The following RCOR1 variants were observed in gnomAD, a reference collection of about 807,000 sequenced individuals.
RCOR1 encodes the protein REST corepressor 1.
In RCOR1, 12 loss-of-function variants were observed where a neutral mutation model predicts 64.0. The ratio of observed to expected loss-of-function variants is 0.19; its 90% CI spans 0.12 to 0.30. The LOEUF (loss-of-function observed/expected upper bound fraction) is 0.30. RCOR1 is among the 10% of genes least tolerant of loss of function. The pLI, the probability that RCOR1 is intolerant of heterozygous loss-of-function variation, is 1.00. For synonymous variants in RCOR1, 279 were observed against 227.2 expected (o/e 1.23, Z -2.05); for missense variants, 502 against 621.2 (o/e 0.81, Z 2.04).
At chr14:102,726,187 C>T (rs1032847460) in intron 11 of RCOR1, among the ~76,000 whole-genome samples, 1 of 151,878 alleles carries the variant, frequency 6.6e-6, no homozygotes, top group Admixed American at 6.6e-5. Context: ...ATTAGCTGGG[C>T]GTGGAGGCAG....
At chr14:102,705,460 T>C (rs1895832392) in intron 4 of RCOR1, among the ~76,000 whole-genome samples, 1 of 152,212 alleles carries the variant, frequency 6.6e-6, no homozygotes, top group Admixed American at 6.5e-5. Context: ...TTTGTTTTGT[T>C]TTGAGACAAG....
chr14:102,677,141 G>A (rs1284223730), intron 2 of RCOR1, among the ~76,000 whole-genome samples: 2 of 136,682 alleles, frequency 1.5e-5, no homozygotes, highest in East Asian at 4.6e-4. Context: ...GGACGGGGCG[G>A]CTGGCCGGGC....
chr14:102,592,868 ACGGCCCCGGCCCCCG>A lies in RCOR1; in HGVS notation c.-17_-3del. The A allele has an allele frequency of 8.5e-7, 1 of 1,181,558 alleles. No homozygotes were observed. The highest frequency in any genetic ancestry group is 1.0e-6 in the Non-Finnish European group (1 of 958,638). The allele number at this position is 1,181,558 out of a possible 1,614,324, so 73.2% of individuals were successfully genotyped here. Reference sequence around the variant, plus strand: ...AGCCGCGGGTCCCCGCCACTTTCGCACGGCCCCGGCCCCCGCCGATGCCGGCCATGGTGGAGAAGG... The same window carrying A: ...AGCCGCGGGTCCCCGCCACTTTCGCACCGATGCCGGCCATGGTGGAGAAGG... On this transcript the variant is annotated 5_prime_UTR_variant, in exon 1 of 12. Transcript: ENST00000262241.
At chr14:102,719,711 G>A (rs577424105) in intron 8 of RCOR1, among the ~76,000 whole-genome samples, 2 of 152,298 alleles carry the variant, frequency 1.3e-5, no homozygotes, top group South Asian at 2.1e-4. Context: ...CAGAATTTTA[G>A]ATGTTTTGCA....
intron 2 of RCOR1, among the ~76,000 whole-genome samples, chr14:102,667,499 T>TCAA (rs1300908188): frequency 7.2e-5 from 11 of 151,898 alleles, no homozygotes; most frequent in African/African-American, 2.7e-4. Flanking sequence ...AGACTCTGTC[T>TCAA]CAATAATAAT....
At chr14:102,593,413 A>G (rs1275842829) in intron 2 of RCOR1, 88 bp downstream of exon 2, 2 of 1,368,482 alleles carry the variant, frequency 1.5e-6, no homozygotes, top group Non-Finnish European at 1.9e-6. Flanking sequence ...GCCCGCCGAC[A>G]ACTTTCTTTT....
chr14:102,682,372 C>T (rs779199352), intron 3 of RCOR1, among the ~76,000 whole-genome samples: 2 of 152,152 alleles, frequency 1.3e-5, no homozygotes, highest in African/African-American at 4.8e-5. Flanking sequence ...TCAGGTGATC[C>T]GCCTGCCATG....
chr14:102,674,357 A>G (rs976355318), intron 2 of RCOR1, among the ~76,000 whole-genome samples: 1 of 152,242 alleles, frequency 6.6e-6, no homozygotes, highest in Admixed American at 6.5e-5. Flanking sequence ...AAAACTAAGC[A>G]ACACACTGTC....
chr14:102,699,922 G>T (rs1895723139), intron 3 of RCOR1, among the ~76,000 whole-genome samples: 1 of 152,090 alleles, frequency 6.6e-6, no homozygotes, highest in Non-Finnish European at 1.5e-5. Flanking sequence ...TTTGGGGGTG[G>T]CAGCTTCTCC....
rs1555462070 is a variant in RCOR1, at chr14:102,616,240, G to GTA, written c.361+22916_361+22917insAT. 5.4e-3 allele frequency among the ~76,000 whole-genome samples: 562 copies of GTA among 103,318 alleles called. 1 individual carries two copies. The highest frequency in any genetic ancestry group is 0.012 in the South Asian group (36 of 2,938). 67.8% of individuals were successfully genotyped at this position (103,318 alleles called of 152,430 possible). On this transcript the variant is annotated intron_variant, in intron 2 of 11. Coordinates refer to ENST00000262241, the MANE Select transcript of RCOR1 (RefSeq NM_015156.4). The stretch of plus-strand genomic sequence containing the variant: ...TGTGTGTGTGTGTGTGTGTGTGTGT[G>GTA]TGTGTGTGTATGTGTGTGTGTGTAT...
At chr14:102,634,071 T>C (rs1894182596) in intron 2 of RCOR1, among the ~76,000 whole-genome samples, 1 of 152,024 alleles carries the variant, frequency 6.6e-6, no homozygotes, top group Non-Finnish European at 1.5e-5. Context: ...ATGTTACTCT[T>C]GTTCAGTGCT....
intron 2 of RCOR1, chr14:102,658,513 T>C: frequency 1.0e-6 from 1 of 984,864 alleles, no homozygotes; most frequent in Non-Finnish European, 1.2e-6. Context: ...GTTTTCTTAC[T>C]TTTATGACTT....
intron 8 of RCOR1, among the ~76,000 whole-genome samples, chr14:102,717,325 A>G (rs1018513701): frequency 1.1e-4 from 16 of 152,210 alleles, no homozygotes; most frequent in African/African-American, 3.4e-4. Flanking sequence ...CAGTAGACCA[A>G]CTGTCATCTC....
intron 2 of RCOR1, among the ~76,000 whole-genome samples, chr14:102,647,138 G>T (rs1426987367): frequency 2.6e-5 from 4 of 152,022 alleles, no homozygotes; most frequent in African/African-American, 9.7e-5. Flanking sequence ...GGGAATAAAA[G>T]AAAAAATAGA....
Position 102,660,191 on chromosome 14 carries a change from G to T in RCOR1, c.362-21704G>T, listed in dbSNP as rs181688223. On this transcript the variant is annotated intron_variant, in intron 2 of 11. Transcript: ENST00000262241. ...GATGGTCTGAGTTCTGAGCCCATCTGTTTAATTCATCCTAATGGGTTATCT... is the reference window on the plus strand; with the variant it reads ...GATGGTCTGAGTTCTGAGCCCATCTTTTTAATTCATCCTAATGGGTTATCT... 4.2e-3 allele frequency among the ~76,000 whole-genome samples: 644 copies of T among 152,232 alleles called. 18 individuals are homozygous for T. Among genetic ancestry groups the T allele is most frequent in the Admixed American group, 0.039 (596 of 15,274 alleles).
chr14:102,679,837 CTTGATT>C (rs1025003927), intron 2 of RCOR1, among the ~76,000 whole-genome samples: 15 of 152,254 alleles, frequency 9.9e-5, no homozygotes, highest in African/African-American at 3.6e-4. Flanking sequence ...TGTAATTAGT[CTTGATT>C]TAGATAGTGT....
At chr14:102,678,271 A>G (rs1595226331) in intron 2 of RCOR1, among the ~76,000 whole-genome samples, 1 of 152,098 alleles carries the variant, frequency 6.6e-6, no homozygotes, top group African/African-American at 2.4e-5. Flanking sequence ...ATGATTGTGA[A>G]TAACGCTGCC....
chr14:102,718,142 T>C (rs1181182246), intron 8 of RCOR1, among the ~76,000 whole-genome samples: 11 of 152,210 alleles, frequency 7.2e-5, no homozygotes, highest in African/African-American at 1.2e-4. Context: ...TCAGTCATGC[T>C]CTCAGGGACC....
chr14:102,636,549 T>C (rs1894241883), intron 2 of RCOR1, among the ~76,000 whole-genome samples: 1 of 152,020 alleles, frequency 6.6e-6, no homozygotes, highest in Non-Finnish European at 1.5e-5. Context: ...CCCAAAGTGC[T>C]GAGAATACAG....
Sources: allele counts gnomAD v4.1 joint callset (sites outside exome capture counted in the v4.1 genomes callset), GRCh38; gene constraint gnomAD v4.1.1; transcripts MANE v1.5; gene names NCBI Gene and HGNC (gene_info 2026-07-23, HGNC 2026-07-21).